The following SPIDR variants were observed in gnomAD, a reference collection of about 807,000 sequenced individuals.
SPIDR encodes scaffold protein involved in DNA repair.
Under a neutral mutation model 104.6 loss-of-function variants are expected in SPIDR, and 93 were observed. That is an observed-to-expected ratio of 0.89 (90% CI 0.75 to 1.06). SPIDR has a LOEUF of 1.06. Among genes scored for constraint, SPIDR ranks in the 50% least tolerant of loss-of-function variants. The probability of loss-of-function intolerance (pLI) is 0.00; values close to 1 mark genes in which losing one functional copy is unlikely to be tolerated. For missense variants in SPIDR, 1,154 were observed against 1,111.2 expected (o/e 1.04, Z -0.55); for synonymous variants, 431 against 416.9 (o/e 1.03, Z -0.41).
chr8:47,502,388 A>G (rs191246432), intron 8 of SPIDR, among the ~76,000 whole-genome samples: 99 of 152,256 alleles, frequency 6.5e-4, no homozygotes, highest in African/African-American at 2.3e-3. Context: ...TGTGTGCAGG[A>G]ATTTATCCAT....
At chr8:47,663,139 C>G (rs143818054) in intron 10 of SPIDR, among the ~76,000 whole-genome samples, 1 of 152,252 alleles carries the variant, frequency 6.6e-6, no homozygotes, top group African/African-American at 2.4e-5. Flanking sequence ...GCTATGCTCT[C>G]TATTTTCAGT....
At chr8:47,322,599 A>G (rs978718547) in intron 5 of SPIDR, among the ~76,000 whole-genome samples, 1 of 152,220 alleles carries the variant, frequency 6.6e-6, no homozygotes, top group African/African-American at 2.4e-5. Context: ...TATATACCCA[A>G]AGGATTATAA....
intron 11 of SPIDR, among the ~76,000 whole-genome samples, chr8:47,692,487 C>CTTTT (rs1171012398): frequency 5.3e-4 from 63 of 119,288 alleles, no homozygotes; most frequent in African/African-American, 1.5e-3. Context: ...TCAGAATTTC[C>CTTTT]TTTTTTTTTT....
intron 10 of SPIDR, among the ~76,000 whole-genome samples, chr8:47,634,686 C>T (rs1188549645): frequency 6.6e-6 from 1 of 152,108 alleles, no homozygotes; most frequent in Non-Finnish European, 1.5e-5. Flanking sequence ...GCTGTGGTAC[C>T]CCTGCCCACC....
intron 7 of SPIDR, among the ~76,000 whole-genome samples, chr8:47,436,225 T>C (rs978477901): frequency 6.6e-6 from 1 of 152,142 alleles, no homozygotes; most frequent in Non-Finnish European, 1.5e-5. Context: ...AGTTAAAGTA[T>C]TTGGGGATTT....
chr8:47,558,351 C>T (rs2091565379), intron 8 of SPIDR, among the ~76,000 whole-genome samples: 1 of 152,034 alleles, frequency 6.6e-6, no homozygotes, highest in South Asian at 2.1e-4. Context: ...AAAAAGAAAA[C>T]AGCCAGGTTG....
chr8:47,451,363 C>G (rs1554705855), intron 8 of SPIDR, among the ~76,000 whole-genome samples: 1 of 152,014 alleles, frequency 6.6e-6, no homozygotes, highest in African/African-American at 2.4e-5. Flanking sequence ...GAGTGGATTG[C>G]TTGAGTCCAG....
intron 5 of SPIDR, among the ~76,000 whole-genome samples, chr8:47,346,744 G>A (rs1316861576): frequency 1.3e-5 from 2 of 152,132 alleles, no homozygotes; most frequent in African/African-American, 4.8e-5. Context: ...TAGTTTATTT[G>A]CGTAGAGGTG....
intron 5 of SPIDR, among the ~76,000 whole-genome samples, chr8:47,389,497 G>A (rs2060320057): frequency 6.6e-6 from 1 of 151,900 alleles, no homozygotes; most frequent in Non-Finnish European, 1.5e-5. Flanking sequence ...AGACCATCCT[G>A]GCTAACACGG....
At chr8:47,447,734 A>G (rs1255155302) in intron 8 of SPIDR, among the ~76,000 whole-genome samples, 1 of 152,204 alleles carries the variant, frequency 6.6e-6, no homozygotes, top group Non-Finnish European at 1.5e-5. Context: ...CAGTTGATGC[A>G]GCAAACTTTA....
intron 8 of SPIDR, among the ~76,000 whole-genome samples, chr8:47,575,391 C>G (rs2058958536): frequency 6.6e-6 from 1 of 152,066 alleles, no homozygotes; most frequent in Non-Finnish European, 1.5e-5. Context: ...CGCCTGTAAT[C>G]CCAGCACTTT....
intron 8 of SPIDR, among the ~76,000 whole-genome samples, chr8:47,578,550 A>G (rs1475571198): frequency 2.6e-5 from 4 of 152,190 alleles, no homozygotes; most frequent in Admixed American, 2.0e-4. Context: ...AAACTCAGCC[A>G]TAGCGCTATG....
chr8:47,440,376 G>T lies in SPIDR; in HGVS notation c.931G>T (p.Ala311Ser), dbSNP rs2069180100. The change falls in exon 8 of 20, where the codon GCC becomes TCC. Residue 311 changes from alanine to serine, a missense_variant. By Grantham distance (99) the Ala-to-Ser change is moderately conservative. Coordinates refer to ENST00000297423, the MANE Select transcript of SPIDR (RefSeq NM_001080394.4). ...VKILELHEEC[A>S]MQVAMCEQLL... ...AATTTTAGAGCTGCATGAGGAATGT[G>T]CCATGCAAGTTGCCATGTGTGAGCA... The T allele has an allele frequency of 6.2e-7, 1 of 1,614,112 alleles. No individual in the cohort carries two copies. The highest frequency in any genetic ancestry group is 1.3e-5 in the African/African-American group (1 of 74,938).
chr8:47,713,740 C>A, intron 16 of SPIDR, 99 bp downstream of exon 16: 2 of 1,473,608 alleles, frequency 1.4e-6, no homozygotes, highest in South Asian at 1.3e-5. Flanking sequence ...GTGGAGCACC[C>A]GCTAAGTTCC....
rs909131606 is a variant in SPIDR at position 47,521,701 on chromosome 8, C to T, written c.1098-74110C>T. Among the ~76,000 whole-genome samples, 8 of 151,628 alleles carry T rather than the reference C, an allele frequency of 5.3e-5. No individual in the cohort carries two copies. The East Asian group carries it at 5.9e-4, about 11-fold the overall frequency. On this transcript the variant is annotated intron_variant, in intron 8 of 19. Coordinates refer to ENST00000297423, the MANE Select transcript of SPIDR (RefSeq NM_001080394.4). ...CCTCCCAAAGTGCTGGGATTACAGG[C>T]GTGAGCCACCGCGCCTGGCCACTCT...
intron 8 of SPIDR, among the ~76,000 whole-genome samples, chr8:47,550,151 C>T (rs926322005): frequency 6.6e-6 from 1 of 152,156 alleles, no homozygotes; most frequent in Admixed American, 6.5e-5. Context: ...CAGTACCATC[C>T]TGTTTTTGTT....
intron 3 of SPIDR, among the ~76,000 whole-genome samples, chr8:47,284,434 T>G (rs1462495911): frequency 1.3e-5 from 2 of 152,236 alleles, no homozygotes; most frequent in African/African-American, 4.8e-5. Flanking sequence ...TTAATCTGAT[T>G]TGGGAAAGAA....
At chr8:47,331,987 C>CTTTTTTTTTTTTTTTTTTTT (rs2048793130) in intron 5 of SPIDR, among the ~76,000 whole-genome samples, 1 of 27,504 alleles carries the variant, frequency 3.6e-5, no homozygotes, top group East Asian at 1.1e-3. Flanking sequence ...TTTTTTTTTT[C>CTTTTTTTTTTTTTTTTTTTT]TCTTTTTTTT....
intron 8 of SPIDR, among the ~76,000 whole-genome samples, chr8:47,573,821 T>C (rs967226383): frequency 6.6e-6 from 1 of 152,242 alleles, no homozygotes; most frequent in African/African-American, 2.4e-5. Flanking sequence ...TAGCATATGA[T>C]ACACGCCCTG....
Sources: allele counts gnomAD v4.1 joint callset (sites outside exome capture counted in the v4.1 genomes callset), GRCh38; gene constraint gnomAD v4.1.1; transcripts MANE v1.5; gene names NCBI Gene and HGNC (gene_info 2026-07-23, HGNC 2026-07-21).